Variants in ZNF704 observed in about 807,000 individuals in gnomAD.
ZNF704 encodes glucocorticoid induced gene 1.
Under a neutral mutation model 44.7 loss-of-function variants are expected in ZNF704, and 10 were observed. The ratio of observed to expected loss-of-function variants is 0.22; its 90% CI spans 0.14 to 0.38. The LOEUF is 0.38. ZNF704 is among the 10% of genes least tolerant of loss of function. The pLI is 1.00. For synonymous variants in ZNF704, 211 were observed against 207.6 expected (o/e 1.02, Z -0.14); for missense variants, 390 against 545.5 (o/e 0.71, Z 2.84).
intron 2 of ZNF704, among the ~76,000 whole-genome samples, chr8:80,774,430 T>C (rs1361171003): frequency 6.6e-6 from 1 of 151,796 alleles, no homozygotes; most frequent in African/African-American, 2.4e-5. Flanking sequence ...AAGAGTGGGG[T>C]GCTGCCTTGT....
intron 1 of ZNF704, among the ~76,000 whole-genome samples, chr8:80,827,287 A>G (rs1271518687): frequency 2.0e-5 from 3 of 152,206 alleles, no homozygotes; most frequent in African/African-American, 4.8e-5. Context: ...AATAACAGAC[A>G]AACAGCCAAA....
intron 4 of ZNF704, chr8:80,673,354 T>C (rs1818312597): frequency 6.6e-6 from 1 of 152,194 alleles, no homozygotes; most frequent in African/African-American, 2.4e-5. Context: ...ACATCCACCC[T>C]CTTCGGAACC....
chr8:80,655,011 AT>A (rs1224673009), intron 7 of ZNF704, among the ~76,000 whole-genome samples: 1 of 152,248 alleles, frequency 6.6e-6, no homozygotes, highest in African/African-American at 2.4e-5. Context: ...CTATGCAGCC[AT>A]AAAAAATGAT....
chr8:80,741,855 A>G (rs2131694029), intron 2 of ZNF704, among the ~76,000 whole-genome samples: 1 of 152,324 alleles, frequency 6.6e-6, no homozygotes, highest in Non-Finnish European at 1.5e-5. Context: ...GTGGTCAGTG[A>G]TAATAGAATA....
chr8:80,794,134 GC>G (rs997663026), intron 2 of ZNF704, among the ~76,000 whole-genome samples: 3 of 152,102 alleles, frequency 2.0e-5, no homozygotes, highest in African/African-American at 7.2e-5. Context: ...AAAAGAGAGA[GC>G]CTAGGCAATG....
chr8:80,690,864 C>T (rs1479811080), intron 3 of ZNF704, among the ~76,000 whole-genome samples: 2 of 152,180 alleles, frequency 1.3e-5, no homozygotes, highest in East Asian at 3.9e-4. Flanking sequence ...CAAAAATTAC[C>T]TGGGTGTGGT....
intron 1 of ZNF704, among the ~76,000 whole-genome samples, chr8:80,824,861 A>G (rs1016886968): frequency 1.3e-5 from 2 of 152,158 alleles, no homozygotes; most frequent in Non-Finnish European, 2.9e-5. Context: ...ATCCTTTACA[A>G]ACAAACAAAT....
At chr8:80,864,440 C>T (rs866013894) in intron 1 of ZNF704, among the ~76,000 whole-genome samples, 29 of 152,210 alleles carry the variant, frequency 1.9e-4, no homozygotes, top group Middle Eastern at 3.4e-3. Flanking sequence ...TGGCCCTTGG[C>T]ATATATAGTC....
At chr8:80,663,554 C>A (rs1427410339) in intron 6 of ZNF704, among the ~76,000 whole-genome samples, 1 of 151,820 alleles carries the variant, frequency 6.6e-6, no homozygotes, top group East Asian at 1.9e-4. Context: ...GGGGTGGTCC[C>A]AAGAATTTTC....
chr8:80,661,804 AG>A (rs1435956079), intron 6 of ZNF704, among the ~76,000 whole-genome samples: 2 of 152,146 alleles, frequency 1.3e-5, no homozygotes, highest in African/African-American at 4.8e-5. Flanking sequence ...TGATGGGACA[AG>A]GTAGGGAGAG....
At position 80,766,678 on chromosome 8, in the gene ZNF704, AGAAG is replaced by A. The variant is rs1197784359; in HGVS notation, c.221+54692_221+54695del. ...TTCTGTATCACAGAATATTAGAGTT[AGAAG>A]GACATTACCGTTATCCAGTCTGACT... On this transcript the variant is annotated intron_variant, in intron 2 of 8. Coordinates refer to ENST00000327835, the MANE Select transcript of ZNF704 (RefSeq NM_001033723.3). Among the ~76,000 whole-genome samples the A allele has an allele frequency of 3.9e-5, 6 of 152,156 alleles. No individual in the cohort carries two copies. The East Asian group carries it at 1.2e-3, about 29-fold the overall frequency.
Position 80,631,711 on chromosome 8 carries a change from A to G in ZNF704, c.*9655T>C, listed in dbSNP as rs1214654524. On this transcript the variant is annotated 3_prime_UTR_variant, in exon 9 of 9. Coordinates refer to ENST00000327835, the MANE Select transcript of ZNF704 (RefSeq NM_001033723.3). ...TTGTCATTCTTTACAGTGAGTCTGA[A>G]CAAATCTTTTGTGATGAGCGTGGCT... is the stretch of plus-strand genomic sequence containing the variant. 6.6e-6 allele frequency: 1 copy of G among 152,230 alleles called. No homozygotes were observed. The highest frequency in any genetic ancestry group is 1.5e-5 in the Non-Finnish European group (1 of 68,040). The allele number at this position is 152,230 out of a possible 1,614,324, so 9.4% of individuals were successfully genotyped here.
At chr8:80,688,481 C>G (rs945205684) in intron 3 of ZNF704, among the ~76,000 whole-genome samples, 2 of 152,208 alleles carry the variant, frequency 1.3e-5, no homozygotes, top group Admixed American at 6.5e-5. Context: ...AGATGAGGAC[C>G]CTGAGGCAGC....
intron 2 of ZNF704, among the ~76,000 whole-genome samples, chr8:80,694,062 C>T (rs1470366982): frequency 1.3e-5 from 2 of 151,946 alleles, no homozygotes; most frequent in Non-Finnish European, 2.9e-5. Context: ...CAAAAGGGAG[C>T]GAGGAAGGCT....
At chr8:80,799,927 CA>C (rs1163105152) in intron 2 of ZNF704, among the ~76,000 whole-genome samples, 12 of 151,836 alleles carry the variant, frequency 7.9e-5, no homozygotes, top group Admixed American at 7.9e-4. Flanking sequence ...ATAAAAAAAA[CA>C]ATACAGGAGC....
intron 2 of ZNF704, among the ~76,000 whole-genome samples, chr8:80,726,478 CAG>C (rs1361140820): frequency 6.6e-6 from 1 of 151,986 alleles, no homozygotes; most frequent in East Asian, 1.9e-4. Context: ...TGTGAGGTGT[CAG>C]AATAACTGTG....
At chr8:80,799,871 C>T (rs148104475) in intron 2 of ZNF704, among the ~76,000 whole-genome samples, 32 of 151,978 alleles carry the variant, frequency 2.1e-4, no homozygotes, top group African/African-American at 6.3e-4. Context: ...CAAACTTCAC[C>T]GAGCTAAAGG....
intron 2 of ZNF704, among the ~76,000 whole-genome samples, chr8:80,788,264 T>C (rs1807647201): frequency 6.6e-6 from 1 of 152,140 alleles, no homozygotes. Context: ...TGGTCTTGAG[T>C]TAATCAATCT....
Position 80,640,894 on chromosome 8 carries a change from A to G in ZNF704, c.*472T>C, listed in dbSNP as rs1027983788. 1 of 153,736 alleles carries G rather than the reference A, an allele frequency of 6.5e-6. No individual in the cohort carries two copies. Among genetic ancestry groups the G allele is most frequent in the African/African-American group, 2.4e-5 (1 of 41,462 alleles). 9.5% of individuals were successfully genotyped at this position (153,736 alleles called of 1,614,324 possible). A position where few individuals can be genotyped will look rare whatever the true frequency, so the allele number is the denominator to read the frequency against. The stretch of plus-strand genomic sequence containing the variant: ...CCAAGAAGTCAAATGGAAGATACGG[A>G]AAAGATTATTCACAACAAAAGTAAG... On this transcript the variant is annotated 3_prime_UTR_variant, in exon 9 of 9. Transcript: ENST00000327835.
Sources: gnomAD v4.1 joint callset for allele counts (sites outside exome capture counted in the v4.1 genomes callset) on GRCh38, gnomAD v4.1.1 for gene constraint, MANE v1.5 for transcripts, NCBI Gene and HGNC (gene_info 2026-07-23, HGNC 2026-07-21) for gene names.